UVRAG: variants seen among roughly 807,000 people sequenced by gnomAD.
The protein encoded by UVRAG is UV radiation resistance associated, also known as UV radiation resistance-associated gene protein.
UVRAG carries 19 observed loss-of-function variants against 78.0 expected under a neutral mutation model. The ratio of observed to expected loss-of-function variants is 0.24; its 90% CI spans 0.17 to 0.36. The LOEUF is 0.36. UVRAG is among the 10% of genes least tolerant of loss of function. The pLI, the probability that UVRAG is intolerant of heterozygous loss-of-function variation, is 1.00. For missense variants in UVRAG, 740 were observed against 853.8 expected (o/e 0.87, Z 1.66); for synonymous variants, 323 against 324.6 (o/e 1.00, Z 0.05).
At chr11:75,922,804 T>C (rs1015211289) in intron 6 of UVRAG, among the ~76,000 whole-genome samples, 3 of 151,610 alleles carry the variant, frequency 2.0e-5, no homozygotes, top group Non-Finnish European at 4.4e-5. Flanking sequence ...AAAAATTAGC[T>C]GGGCGTGGTG....
chr11:75,837,812 A>G (rs1356659551), intron 1 of UVRAG, among the ~76,000 whole-genome samples: 1 of 152,214 alleles, frequency 6.6e-6, no homozygotes, highest in Non-Finnish European at 1.5e-5. Context: ...ATTCCATTCT[A>G]AGAAACCAAA....
intron 2 of UVRAG, among the ~76,000 whole-genome samples, chr11:75,853,598 C>T (rs1946210783): frequency 6.6e-6 from 1 of 151,090 alleles, no homozygotes; most frequent in Non-Finnish European, 1.5e-5. Context: ...TGACCTCTGC[C>T]TGCCTTGGCC....
At chr11:75,987,741 G>GTT (rs556483110) in intron 8 of UVRAG, among the ~76,000 whole-genome samples, 5 of 143,216 alleles carry the variant, frequency 3.5e-5, no homozygotes, top group African/African-American at 5.1e-5. Flanking sequence ...TGCATTAACT[G>GTT]TTTTTTTTTT....
intron 4 of UVRAG, among the ~76,000 whole-genome samples, chr11:75,888,258 C>T (rs1449008232): frequency 1.3e-5 from 2 of 152,032 alleles, no homozygotes; most frequent in Admixed American, 6.5e-5. Context: ...CACAGCCTCC[C>T]GAGTAGCTGG....
intron 12 of UVRAG, among the ~76,000 whole-genome samples, chr11:76,020,649 C>CTTTTTTTT (rs35112254): frequency 1.5e-4 from 8 of 52,282 alleles, no homozygotes; most frequent in African/African-American, 6.0e-4. Flanking sequence ...AAGAAGGAGT[C>CTTTTTTTT]TTTTTTTTTT....
At chr11:75,908,313 A>G (rs1947661642) in intron 5 of UVRAG, among the ~76,000 whole-genome samples, 1 of 152,146 alleles carries the variant, frequency 6.6e-6, no homozygotes, top group Non-Finnish European at 1.5e-5. Context: ...TTGTTTATCC[A>G]TCATCTGTCT....
chr11:76,081,262 A>G (rs373790884), intron 13 of UVRAG, among the ~76,000 whole-genome samples: 35 of 151,962 alleles, frequency 2.3e-4, no homozygotes, highest in Non-Finnish European at 3.7e-4. Context: ...CTGGAGTACA[A>G]TGGCGCAATC....
intron 1 of UVRAG, among the ~76,000 whole-genome samples, chr11:75,826,693 CTTTTTTTT>C (rs11289695): frequency 7.5e-6 from 1 of 133,228 alleles, no homozygotes; most frequent in Non-Finnish European, 1.6e-5. Flanking sequence ...CCATGCCTAT[CTTTTTTTT>C]TTTTTTTTTT....
At chr11:75,888,388 C>T (rs1257358784) in intron 4 of UVRAG, among the ~76,000 whole-genome samples, 1 of 152,130 alleles carries the variant, frequency 6.6e-6, no homozygotes, top group African/African-American at 2.4e-5. Context: ...AAGCTATCTG[C>T]CCATCTCTGC....
rs1952735666 is a variant in UVRAG at position 76,142,199 on chromosome 11, A to G, written c.*786A>G. On this transcript the variant is annotated 3_prime_UTR_variant, in exon 15 of 15. Coordinates refer to ENST00000356136, the MANE Select transcript of UVRAG (RefSeq NM_003369.4). ...AGGACCTCGAGGTTACTGCAGTCAG[A>G]TGCCATCTCATCCCCTGTGGGGGCC... 6.6e-6 allele frequency: 1 copy of G among 152,202 alleles called. No homozygotes were observed. Among genetic ancestry groups the G allele is most frequent in the Non-Finnish European group, 1.5e-5 (1 of 68,026 alleles). 9.4% of individuals were successfully genotyped at this position (152,202 alleles called of 1,614,324 possible).
chr11:76,031,140 G>C (rs1950430791), intron 12 of UVRAG, among the ~76,000 whole-genome samples: 1 of 152,062 alleles, frequency 6.6e-6, no homozygotes. Context: ...GGATGCTCTG[G>C]CCAGGACAAT....
chr11:75,819,217 A>T (rs954592968), intron 1 of UVRAG, among the ~76,000 whole-genome samples: 1 of 152,224 alleles, frequency 6.6e-6, no homozygotes, highest in Admixed American at 6.5e-5. Flanking sequence ...TACTAACTAT[A>T]GTCCATATCA....
intron 5 of UVRAG, among the ~76,000 whole-genome samples, chr11:75,894,276 A>G (rs1277511223): frequency 6.6e-6 from 1 of 152,066 alleles, no homozygotes; most frequent in East Asian, 1.9e-4. Context: ...AAGTTTCAAA[A>G]CTTCTATAGC....
At chr11:75,823,562 T>G (rs895113097) in intron 1 of UVRAG, among the ~76,000 whole-genome samples, 39 of 152,356 alleles carry the variant, frequency 2.6e-4, no homozygotes, top group African/African-American at 9.1e-4. Flanking sequence ...CTCTACCTCC[T>G]GGCTTCGAGC....
At chr11:75,983,764 G>A (rs934717493) in intron 8 of UVRAG, 1 of 343,024 alleles carries the variant, frequency 2.9e-6, no homozygotes, top group Non-Finnish European at 5.2e-6. Flanking sequence ...AACTTGTACA[G>A]CATGTTACCA....
intron 12 of UVRAG, among the ~76,000 whole-genome samples, chr11:76,044,174 T>TAAG (rs953457581): frequency 6.6e-6 from 1 of 152,166 alleles, no homozygotes; most frequent in Non-Finnish European, 1.5e-5. Flanking sequence ...CTCCCTCCTC[T>TAAG]AAGGACTCCT....
At chr11:76,136,472 T>C (rs1952598360) in intron 14 of UVRAG, among the ~76,000 whole-genome samples, 1 of 151,578 alleles carries the variant, frequency 6.6e-6, no homozygotes, top group Non-Finnish European at 1.5e-5. Flanking sequence ...ATTCTGTATA[T>C]ACCAGAAACA....
At position 76,030,925 on chromosome 11, in the gene UVRAG, G is replaced by C. The variant is rs116417909; in HGVS notation, c.1226+13945G>C. Among the ~76,000 whole-genome samples, 617 of 152,204 alleles carry C rather than the reference G, an allele frequency of 4.1e-3. 3 individuals are homozygous for C. Among genetic ancestry groups the C allele is most frequent in the African/African-American group, 0.014 (586 of 41,532 alleles). Reference sequence around the variant, plus strand: ...ACTCAATGATGCAGGTAGTGTATTTGAGTTATTTATCCTTGTCTGAAATAT... The same window carrying C: ...ACTCAATGATGCAGGTAGTGTATTTCAGTTATTTATCCTTGTCTGAAATAT... On this transcript the variant is annotated intron_variant, in intron 12 of 14. Coordinates refer to ENST00000356136, the MANE Select transcript of UVRAG (RefSeq NM_003369.4).
intron 5 of UVRAG, among the ~76,000 whole-genome samples, chr11:75,889,371 A>G (rs1191449171): frequency 3.3e-5 from 5 of 152,360 alleles, no homozygotes; most frequent in Non-Finnish European, 7.3e-5. Flanking sequence ...CCTACTATCT[A>G]TGGTACTGTG....
Sources: gnomAD v4.1 joint callset for allele counts (sites outside exome capture counted in the v4.1 genomes callset) on GRCh38, gnomAD v4.1.1 for gene constraint, MANE v1.5 for transcripts, NCBI Gene and HGNC (gene_info 2026-07-23, HGNC 2026-07-21) for gene names.